The following HTR4 variants were observed in gnomAD, a reference collection of about 807,000 sequenced individuals.
The protein encoded by HTR4 is 5-hydroxytryptamine receptor 4.
In HTR4, 16 loss-of-function variants were observed where a neutral mutation model predicts 36.8. That is an observed-to-expected ratio of 0.43 (90% CI 0.29 to 0.66). The LOEUF (loss-of-function observed/expected upper bound fraction) is 0.66. Among genes scored for constraint, HTR4 ranks in the 30% least tolerant of loss-of-function variants. The probability of loss-of-function intolerance (pLI) is 0.13; values close to 1 mark genes in which losing one functional copy is unlikely to be tolerated. For synonymous variants in HTR4, 189 were observed against 185.1 expected (o/e 1.02, Z -0.17); for missense variants, 438 against 490.9 (o/e 0.89, Z 1.02).
chr5:148,591,333 A>G (rs1761561066), intron 2 of HTR4, among the ~76,000 whole-genome samples: 1 of 152,110 alleles, frequency 6.6e-6, no homozygotes, highest in African/African-American at 2.4e-5. Context: ...TTCCATATGA[A>G]TTTTAAAATA....
intron 4 of HTR4, among the ~76,000 whole-genome samples, chr5:148,546,345 AAGAAAGGCTTAGACTC>A (rs1759382942): frequency 6.6e-6 from 1 of 152,228 alleles, no homozygotes; most frequent in South Asian, 2.1e-4. Flanking sequence ...TTTTAGAGAC[AAGAAAGGCTTAGACTC>A]AGAAAGGCTT....
intron 2 of HTR4, among the ~76,000 whole-genome samples, chr5:148,620,211 C>T (rs913116871): frequency 6.6e-6 from 1 of 152,208 alleles, no homozygotes; most frequent in Non-Finnish European, 1.5e-5. Context: ...GAGGTTGAAC[C>T]ATCTGTGCTG....
At position 148,584,260 on chromosome 5, in the gene HTR4, GA is replaced by G. The variant is rs201386256; in HGVS notation, c.27-33999del. Among the ~76,000 whole-genome samples the G allele has an allele frequency of 5.6e-3, 855 of 152,126 alleles. 7 individuals are homozygous for G. Among genetic ancestry groups the G allele is most frequent in the African/African-American group, 0.019 (780 of 41,494 alleles). ...TACAAACACCTTATTTTACTATGGAGAAACTGGAGCTTTCCCCCAAAAAAGG... is the reference window on the plus strand; with the variant it reads ...TACAAACACCTTATTTTACTATGGAGAACTGGAGCTTTCCCCCAAAAAAGG... On this transcript the variant is annotated intron_variant, in intron 2 of 6. Transcript: ENST00000377888.
intron 4 of HTR4, among the ~76,000 whole-genome samples, chr5:148,540,450 T>C (rs1759065524): frequency 1.0e-5 from 1 of 99,598 alleles, no homozygotes; most frequent in South Asian, 3.2e-4. Context: ...ATATATATAA[T>C]CTTATATATA....
chr5:148,544,918 C>G (rs1759314671), intron 4 of HTR4, among the ~76,000 whole-genome samples: 1 of 152,216 alleles, frequency 6.6e-6, no homozygotes, highest in Non-Finnish European at 1.5e-5. Flanking sequence ...CTTGTAGCAG[C>G]TCTAGAGAGA....
downstream of HTR4, among the ~76,000 whole-genome samples, chr5:148,473,068 G>A (rs1581348051): frequency 6.6e-6 from 1 of 152,110 alleles, no homozygotes; most frequent in Non-Finnish European, 1.5e-5. Flanking sequence ...GGGAGGCCGA[G>A]GCGGGTGGAT....
intron 2 of HTR4, among the ~76,000 whole-genome samples, chr5:148,596,393 C>A (rs1471355879): frequency 6.6e-6 from 1 of 152,096 alleles, no homozygotes; most frequent in Non-Finnish European, 1.5e-5. Flanking sequence ...ATTGTTTATT[C>A]TTTAAAGTTC....
At chr5:148,534,612 C>A (rs1344269075) in intron 4 of HTR4, among the ~76,000 whole-genome samples, 2 of 152,108 alleles carry the variant, frequency 1.3e-5, no homozygotes, top group African/African-American at 2.4e-5. Flanking sequence ...AGTAAAGACC[C>A]TAAGTGCCTT....
chr5:148,626,296 C>G (rs1006196795), intron 2 of HTR4, among the ~76,000 whole-genome samples: 14 of 152,180 alleles, frequency 9.2e-5, no homozygotes, highest in Non-Finnish European at 2.1e-4. Context: ...TCAGAACATT[C>G]CCTTTCAGGG....
chr5:148,571,246 G>T (rs188619700), intron 2 of HTR4, among the ~76,000 whole-genome samples: 22 of 152,144 alleles, frequency 1.4e-4, no homozygotes, highest in African/African-American at 5.1e-4. Context: ...AAAGGGAAGG[G>T]TATGCTTTCA....
intron 5 of HTR4, chr5:148,465,868 G>C (rs1755413224): frequency 6.2e-7 from 1 of 1,612,806 alleles, no homozygotes; most frequent in Non-Finnish European, 8.5e-7. Context: ...TTCAGAGTTA[G>C]ACAGGAACTG....
intron 2 of HTR4, among the ~76,000 whole-genome samples, chr5:148,581,574 A>C (rs1174777911): frequency 6.6e-6 from 1 of 152,090 alleles, no homozygotes; most frequent in Non-Finnish European, 1.5e-5. Flanking sequence ...TTTTCCCCCC[A>C]AAAAATTATT....
intron 2 of HTR4, among the ~76,000 whole-genome samples, chr5:148,608,832 A>G (rs547603913): frequency 6.6e-6 from 1 of 152,162 alleles, no homozygotes; most frequent in Admixed American, 6.5e-5. Flanking sequence ...TGTCAGAGAG[A>G]TGTAAAAGAA....
At chr5:148,503,975 C>A (rs528165987) in intron 6 of HTR4, among the ~76,000 whole-genome samples, 2 of 152,042 alleles carry the variant, frequency 1.3e-5, no homozygotes, top group Non-Finnish European at 2.9e-5. Context: ...CCAATACAGG[C>A]GGACCCAGAT....
At chr5:148,542,557 G>A (rs935560957) in intron 4 of HTR4, among the ~76,000 whole-genome samples, 3 of 152,180 alleles carry the variant, frequency 2.0e-5, no homozygotes, top group Non-Finnish European at 4.4e-5. Flanking sequence ...TGCAGAGGAA[G>A]GGTGACAATT....
chr5:148,562,723 G>A (rs1760268933), intron 2 of HTR4, among the ~76,000 whole-genome samples: 1 of 152,108 alleles, frequency 6.6e-6, no homozygotes, highest in South Asian at 2.1e-4. Context: ...CTTCCCATAT[G>A]AATACATAGC....
chr5:148,505,258 C>T (rs892876516), intron 6 of HTR4, among the ~76,000 whole-genome samples: 4 of 152,068 alleles, frequency 2.6e-5, no homozygotes, highest in African/African-American at 9.7e-5. Context: ...ATAAACAGAA[C>T]CAAAGACAAA....
chr5:148,522,495 T>A (rs981811079), intron 5 of HTR4, among the ~76,000 whole-genome samples: 4 of 152,132 alleles, frequency 2.6e-5, no homozygotes, highest in African/African-American at 9.7e-5. Flanking sequence ...AACTATACTT[T>A]CCCCATAATG....
intron 2 of HTR4, among the ~76,000 whole-genome samples, chr5:148,614,719 G>C (rs1198259834): frequency 6.6e-6 from 1 of 151,968 alleles, no homozygotes; most frequent in African/African-American, 2.4e-5. Flanking sequence ...CACAGCAAAA[G>C]AAACTACCAT....
Sources: gnomAD v4.1 joint callset for allele counts (sites outside exome capture counted in the v4.1 genomes callset) on GRCh38, gnomAD v4.1.1 for gene constraint, MANE v1.5 for transcripts, NCBI Gene and HGNC (gene_info 2026-07-23, HGNC 2026-07-21) for gene names.